TNFSF4: variants seen among roughly 807,000 people sequenced by gnomAD.
The protein encoded by TNFSF4 is tumor necrosis factor ligand superfamily member 4.
TNFSF4 carries 4 observed loss-of-function variants against 7.3 expected under a neutral mutation model. The ratio of observed to expected loss-of-function variants is 0.55; its 90% CI spans 0.27 to 1.25. The LOEUF is 1.25. TNFSF4 is among the 50% of genes most tolerant of loss of function. The probability of loss-of-function intolerance (pLI) is 0.12; values close to 1 mark genes in which losing one functional copy is unlikely to be tolerated. For synonymous variants in TNFSF4, 76 were observed against 83.7 expected, an observed-to-expected ratio of 0.91 and a Z score of 0.50; for missense variants, 181 against 208.8, an observed-to-expected ratio of 0.87 and a Z score of 0.82.
At chr1:173,415,129 T>C in the TNFSF4 span, among the ~76,000 whole-genome samples, 5 of 152,250 alleles carry the variant, frequency 3.3e-5, no homozygotes, top group African/African-American at 1.2e-4. Flanking sequence ...CTCTCACCTA[T>C]TGCAATAATC....
chr1:173,238,090 C>T, the TNFSF4 span, among the ~76,000 whole-genome samples: 1 of 152,018 alleles, frequency 6.6e-6, no homozygotes, highest in Non-Finnish European at 1.5e-5. Flanking sequence ...ATAGACAGCC[C>T]AGAAATAAAG....
At chr1:173,361,330 G>A in the TNFSF4 span, among the ~76,000 whole-genome samples, 13 of 152,104 alleles carry the variant, frequency 8.5e-5, no homozygotes, top group Non-Finnish European at 1.9e-4. Flanking sequence ...ACACATCACT[G>A]AGCCACCCCT....
the TNFSF4 span, among the ~76,000 whole-genome samples, chr1:173,354,173 C>T: frequency 6.6e-6 from 1 of 152,080 alleles, no homozygotes; most frequent in Admixed American, 6.5e-5. Context: ...ACCACTGACC[C>T]CACCGAAATT....
the TNFSF4 span, among the ~76,000 whole-genome samples, chr1:173,319,945 TCTC>T: frequency 6.6e-6 from 1 of 152,010 alleles, no homozygotes; most frequent in Non-Finnish European, 1.5e-5. Context: ...GAATGCCTCT[TCTC>T]CTCCAAATGA....
the TNFSF4 span, among the ~76,000 whole-genome samples, chr1:173,292,249 A>G: frequency 6.6e-6 from 1 of 152,184 alleles, no homozygotes; most frequent in Non-Finnish European, 1.5e-5. Flanking sequence ...ATACTAGCAA[A>G]TCATATCCAG....
chr1:173,360,377 A>G, the TNFSF4 span, among the ~76,000 whole-genome samples: 2 of 152,276 alleles, frequency 1.3e-5, no homozygotes, highest in Non-Finnish European at 2.9e-5. Flanking sequence ...AAGCCTTTCA[A>G]AAATTTCCTC....
chr1:173,420,652 A>T, the TNFSF4 span, among the ~76,000 whole-genome samples: 1 of 152,256 alleles, frequency 6.6e-6, no homozygotes, highest in Admixed American at 6.5e-5. Flanking sequence ...AAAAGAAAGT[A>T]AACACTTAAA....
the TNFSF4 span, among the ~76,000 whole-genome samples, chr1:173,438,426 T>A: frequency 3.9e-5 from 6 of 152,268 alleles, no homozygotes; most frequent in South Asian, 6.2e-4. Flanking sequence ...TTGAGCTGAT[T>A]AAAAAGTATC....
At chr1:173,312,855 C>T in the TNFSF4 span, among the ~76,000 whole-genome samples, 2 of 152,100 alleles carry the variant, frequency 1.3e-5, no homozygotes, top group Non-Finnish European at 1.5e-5. Flanking sequence ...ACCTGCTACA[C>T]GTGGATCCAG....
chr1:173,383,319 G>C, the TNFSF4 span, among the ~76,000 whole-genome samples: 1 of 152,188 alleles, frequency 6.6e-6, no homozygotes, highest in Non-Finnish European at 1.5e-5. Flanking sequence ...CTTTACATCA[G>C]TAATGTTTAT....
the TNFSF4 span, among the ~76,000 whole-genome samples, chr1:173,432,525 G>A: frequency 6.6e-6 from 1 of 152,126 alleles, no homozygotes; most frequent in Admixed American, 6.6e-5. Context: ...CAGTGAGAAG[G>A]TTGCCTTACT....
At chr1:173,434,065 C>A in the TNFSF4 span, among the ~76,000 whole-genome samples, 8 of 152,176 alleles carry the variant, frequency 5.3e-5, no homozygotes, top group African/African-American at 1.7e-4. Flanking sequence ...ATGAAACAGA[C>A]TCTCCCTCAC....
chr1:173,300,127 AT>A, the TNFSF4 span, among the ~76,000 whole-genome samples: 2 of 147,322 alleles, frequency 1.4e-5, no homozygotes, highest in East Asian at 2.0e-4. Flanking sequence ...AGATAGATAG[AT>A]AGATAGATAG....
At chr1:173,369,027 G>C in the TNFSF4 span, among the ~76,000 whole-genome samples, 1 of 152,242 alleles carries the variant, frequency 6.6e-6, no homozygotes, top group South Asian at 2.1e-4. Flanking sequence ...GGACTATCTG[G>C]AATTTTAGGA....
chr1:173,426,711 C>T, the TNFSF4 span, among the ~76,000 whole-genome samples: 12,324 of 152,164 alleles, frequency 0.081, 764 homozygotes, highest in East Asian at 0.28. Flanking sequence ...TCTCCCACCT[C>T]GGCCCCGAGT....
chr1:173,398,409 C>CTTTT, the TNFSF4 span, among the ~76,000 whole-genome samples: 230 of 101,426 alleles, frequency 2.3e-3, no homozygotes, highest in Non-Finnish European at 2.5e-3. Flanking sequence ...TATTTCTTTT[C>CTTTT]TTTTTTTTTT....
the TNFSF4 span, among the ~76,000 whole-genome samples, chr1:173,378,886 ACC>A: frequency 4.1e-5 from 5 of 121,832 alleles, no homozygotes; most frequent in South Asian, 2.8e-4. Flanking sequence ...CTCCCCCCCC[ACC>A]ACAGGCTATC....
At chr1:173,295,028 A>C in the TNFSF4 span, among the ~76,000 whole-genome samples, 48 of 152,106 alleles carry the variant, frequency 3.2e-4, 1 homozygote, top group Middle Eastern at 6.8e-3. Flanking sequence ...TCAACAGAAA[A>C]CTGCAACATA....
At chr1:173,368,439 C>A in the TNFSF4 span, among the ~76,000 whole-genome samples, 1 of 152,062 alleles carries the variant, frequency 6.6e-6, no homozygotes, top group South Asian at 2.1e-4. Flanking sequence ...ACCATTGGAC[C>A]CCTGTTGCTT....
Sources: gnomAD v4.1 joint callset for allele counts (sites outside exome capture counted in the v4.1 genomes callset) on GRCh38, gnomAD v4.1.1 for gene constraint, MANE v1.5 for transcripts, NCBI Gene and HGNC (gene_info 2026-07-23, HGNC 2026-07-21) for gene names.